LRRC40: variants seen among roughly 807,000 people sequenced by gnomAD.
LRRC40 encodes the protein leucine-rich repeat-containing protein 40.
LRRC40 carries 76 observed loss-of-function variants against 72.8 expected under a neutral mutation model. The ratio of observed to expected loss-of-function variants is 1.04; its 90% CI spans 0.87 to 1.26. The LOEUF (loss-of-function observed/expected upper bound fraction) is 1.26. Among genes scored for constraint, LRRC40 ranks in the 50% most tolerant of loss-of-function variants. The probability of loss-of-function intolerance (pLI) is 0.00; values close to 1 mark genes in which losing one functional copy is unlikely to be tolerated. For missense variants in LRRC40, 684 were observed against 698.9 expected (o/e 0.98, Z 0.24); for synonymous variants, 243 against 254.2 (o/e 0.96, Z 0.42).
At chr1:70,203,039 C>A (rs1348690683) in intron 1 of LRRC40, among the ~76,000 whole-genome samples, 2 of 152,150 alleles carry the variant, frequency 1.3e-5, no homozygotes, top group Non-Finnish European at 2.9e-5. Flanking sequence ...TAAAGGCGCA[C>A]GCCACCATGC....
rs376901254 is a variant in LRRC40 at position 70,159,616 on chromosome 1, A to G, written c.1112-178T>C. Among the ~76,000 whole-genome samples the G allele has an allele frequency of 3.3e-3, 500 of 152,332 alleles. 6 individuals are homozygous for G. Among genetic ancestry groups the G allele is most frequent in the South Asian group, 0.031 (150 of 4,832 alleles). ...CAATCTGGAATTTAATATTTAATTA[A>G]TAGAAAATAAAATTACTGTAGCATG... On this transcript the variant is annotated intron_variant, in intron 9 of 14. Coordinates refer to ENST00000370952, the MANE Select transcript of LRRC40 (RefSeq NM_017768.5).
intron 10 of LRRC40, among the ~76,000 whole-genome samples, chr1:70,158,216 G>A (rs978435579): frequency 5.3e-5 from 8 of 151,042 alleles, no homozygotes; most frequent in Non-Finnish European, 1.2e-4. Context: ...ACTTAGCTTA[G>A]AGTAGTGATT....
intron 14 of LRRC40, among the ~76,000 whole-genome samples, chr1:70,148,280 C>A (rs181795732): frequency 6.6e-6 from 1 of 152,018 alleles, no homozygotes; most frequent in East Asian, 1.9e-4. Flanking sequence ...TATATTCACA[C>A]ATATACCATA....
chr1:70,147,308 G>A (rs1207605119), intron 14 of LRRC40: 1 of 152,094 alleles, frequency 6.6e-6, no homozygotes, highest in Non-Finnish European at 1.5e-5. Flanking sequence ...TACCTTTGTT[G>A]GTGATTTCAC....
At chr1:70,155,976 A>T (rs1257106753) in intron 10 of LRRC40, among the ~76,000 whole-genome samples, 180 bp from the exon 11 acceptor site, 3 of 152,098 alleles carry the variant, frequency 2.0e-5, no homozygotes, top group Non-Finnish European at 4.4e-5. Context: ...ACTGTTAGGA[A>T]TTCAGACAAC....
At chr1:70,146,054 T>C in intron 14 of LRRC40, 149 bp from the exon 15 acceptor site, 1 of 526,984 alleles carries the variant, frequency 1.9e-6, no homozygotes, top group Non-Finnish European at 3.4e-6. Context: ...AGACAGAGTC[T>C]CACTCTGTTG....
At chr1:70,149,335 C>A (rs1667404356) in intron 13 of LRRC40, among the ~76,000 whole-genome samples, 2 of 152,160 alleles carry the variant, frequency 1.3e-5, no homozygotes, top group Non-Finnish European at 2.9e-5. Context: ...AGAGCTTTGG[C>A]CTTTTCATTT....
At chr1:70,175,774 A>T (rs753398656) in intron 7 of LRRC40, 36 bp downstream of exon 7, 12 of 1,408,340 alleles carry the variant, frequency 8.5e-6, no homozygotes, top group Non-Finnish European at 1.1e-5. Flanking sequence ...AACCAAATAC[A>T]AACACAATTT....
chr1:70,172,907 G>A (rs1384678927), intron 9 of LRRC40, among the ~76,000 whole-genome samples: 1 of 150,968 alleles, frequency 6.6e-6, no homozygotes, highest in African/African-American at 2.4e-5. Context: ...TTTTCAAAAT[G>A]TTTTAGTTTA....
In LRRC40 at chr1:70,145,583, T is replaced by C. The variant is rs1667265142; in HGVS notation, c.*217A>G. The C allele has an allele frequency of 5.6e-6, 2 of 360,174 alleles. No individual in the cohort carries two copies. The highest frequency in any genetic ancestry group is 2.1e-5 in the African/African-American group (1 of 47,854). The allele number at this position is 360,174 out of a possible 1,614,324, so 22.3% of individuals were successfully genotyped here. On this transcript the variant is annotated 3_prime_UTR_variant, in exon 15 of 15. Coordinates refer to ENST00000370952, the MANE Select transcript of LRRC40 (RefSeq NM_017768.5). ...TGTGGTTATCACCATTACAAATGTA[T>C]ACAACACCTTACAAAAATCTTAAAT...
At chr1:70,175,082 C>T (rs1346337444) in intron 7 of LRRC40, among the ~76,000 whole-genome samples, 1 of 151,424 alleles carries the variant, frequency 6.6e-6, no homozygotes, top group Admixed American at 6.6e-5. Context: ...AGTGAAAAAT[C>T]AAATACTATT....
rs1219732748 is a variant in LRRC40 at position 70,160,245 on chromosome 1, C to CA, written c.1112-808dup. Among the ~76,000 whole-genome samples the CA allele has an allele frequency of 7.3e-5, 11 of 151,716 alleles. No homozygotes were observed. In the East Asian group the frequency reaches 9.6e-4, roughly 13 times the overall value. On this transcript the variant is annotated intron_variant, in intron 9 of 14. Coordinates refer to ENST00000370952, the MANE Select transcript of LRRC40 (RefSeq NM_017768.5). The stretch of plus-strand genomic sequence containing the variant: ...GAGCAGAAGGCACGCCAAAAGAAAA[C>CA]AAAAAAAATTAGTAGTATACCTGAT...
At chr1:70,197,292 T>C (rs1668635832) in intron 1 of LRRC40, among the ~76,000 whole-genome samples, 2 of 152,006 alleles carry the variant, frequency 1.3e-5, no homozygotes, top group Non-Finnish European at 2.9e-5. Flanking sequence ...TTTTATTTTA[T>C]TTTATTTTTT....
At chr1:70,162,693 G>A (rs1667791601) in intron 9 of LRRC40, among the ~76,000 whole-genome samples, 1 of 152,012 alleles carries the variant, frequency 6.6e-6, no homozygotes, top group African/African-American at 2.4e-5. Flanking sequence ...TCTACTCTGC[G>A]GCAGTCATTG....
At chr1:70,165,382 T>G (rs1026952048) in intron 9 of LRRC40, among the ~76,000 whole-genome samples, 3 of 152,232 alleles carry the variant, frequency 2.0e-5, no homozygotes, top group Admixed American at 2.0e-4. Flanking sequence ...GATTTTTCTT[T>G]GACACAGTGG....
intron 6 of LRRC40, among the ~76,000 whole-genome samples, chr1:70,177,166 C>T (rs1263234111): frequency 6.6e-6 from 1 of 152,090 alleles, no homozygotes; most frequent in Non-Finnish European, 1.5e-5. Flanking sequence ...ATCCCAGCTA[C>T]TCGGGAGGCT....
intron 11 of LRRC40, among the ~76,000 whole-genome samples, chr1:70,154,372 A>C (rs1667590340): frequency 6.6e-6 from 1 of 152,208 alleles, no homozygotes; most frequent in Admixed American, 6.5e-5. Flanking sequence ...TAGTGAGATA[A>C]AATGAGGCAG....
At chr1:70,205,260 G>C (rs934497675) in intron 1 of LRRC40, 130 bp downstream of exon 1, 36 of 879,328 alleles carry the variant, frequency 4.1e-5, no homozygotes, top group Non-Finnish European at 5.9e-5. Flanking sequence ...ACAGGGATTA[G>C]ATTAGAGCAC....
intron 13 of LRRC40, among the ~76,000 whole-genome samples, chr1:70,150,429 A>C (rs1032435116): frequency 7.2e-5 from 11 of 152,316 alleles, no homozygotes; most frequent in Middle Eastern, 6.8e-3. Context: ...CCTACCATGT[A>C]GGGTTCTTGT....
Sources: gnomAD v4.1 joint callset for allele counts (sites outside exome capture counted in the v4.1 genomes callset) on GRCh38, gnomAD v4.1.1 for gene constraint, MANE v1.5 for transcripts, NCBI Gene and HGNC (gene_info 2026-07-23, HGNC 2026-07-21) for gene names.